HS6ST3: variants seen among roughly 807,000 people sequenced by gnomAD.
The protein encoded by HS6ST3 is heparan sulfate 6-O-sulfotransferase 3, also known as heparan-sulfate 6-O-sulfotransferase 3.
HS6ST3 carries 12 observed loss-of-function variants against 36.7 expected under a neutral mutation model. The ratio of observed to expected loss-of-function variants is 0.33; its 90% CI spans 0.21 to 0.53. The LOEUF (loss-of-function observed/expected upper bound fraction) is 0.53, where lower values mean the gene tolerates loss of function less well. Ranked by LOEUF, HS6ST3 falls within the 20% of genes least tolerant of loss-of-function variation. HS6ST3 has a pLI of 0.95. For synonymous variants in HS6ST3, 240 were observed against 257.5 expected, an observed-to-expected ratio of 0.93 and a Z score of 0.65; for missense variants, 584 against 640.9, an observed-to-expected ratio of 0.91 and a Z score of 0.96.
At chr13:96,106,590 GAAGAT>G (rs2053842888) in intron 1 of HS6ST3, among the ~76,000 whole-genome samples, 1 of 152,178 alleles carries the variant, frequency 6.6e-6, no homozygotes, top group African/African-American at 2.4e-5. Flanking sequence ...ATATTTTTAA[GAAGAT>G]AAGAGACAAT....
chr13:96,741,504 G>T (rs1876438485), intron 1 of HS6ST3, among the ~76,000 whole-genome samples: 1 of 152,062 alleles, frequency 6.6e-6, no homozygotes, highest in South Asian at 2.1e-4. Context: ...CTTTGTTCTA[G>T]TGCAGCTACC....
intron 1 of HS6ST3, among the ~76,000 whole-genome samples, chr13:96,761,692 AC>A: frequency 6.6e-6 from 1 of 152,256 alleles, no homozygotes; most frequent in African/African-American, 2.4e-5. Context: ...ATTCCCATAA[AC>A]AATATGTAGT....
chr13:96,185,754 A>C (rs1301825708), intron 1 of HS6ST3, among the ~76,000 whole-genome samples: 1 of 152,194 alleles, frequency 6.6e-6, no homozygotes, highest in Non-Finnish European at 1.5e-5. Context: ...TTTTACTTGA[A>C]TTTAGAGAGA....
At chr13:96,321,872 G>A (rs952004329) in intron 1 of HS6ST3, among the ~76,000 whole-genome samples, 3 of 151,994 alleles carry the variant, frequency 2.0e-5, no homozygotes, top group African/African-American at 4.8e-5. Flanking sequence ...TCTCAAATGA[G>A]CTTGTACCAT....
chr13:96,595,182 A>G (rs1184834713), intron 1 of HS6ST3, among the ~76,000 whole-genome samples: 1 of 152,062 alleles, frequency 6.6e-6, no homozygotes, highest in East Asian at 1.9e-4. Context: ...AGTGGCTGAA[A>G]CTACAGGCGT....
At chr13:96,112,951 G>A (rs749375680) in intron 1 of HS6ST3, among the ~76,000 whole-genome samples, 16 of 152,004 alleles carry the variant, frequency 1.1e-4, no homozygotes, top group Non-Finnish European at 1.5e-4. Context: ...GGTTTTATTG[G>A]AGTGGGGAGG....
chr13:96,772,748 G>C (rs55963137), intron 1 of HS6ST3, among the ~76,000 whole-genome samples: 2 of 152,166 alleles, frequency 1.3e-5, no homozygotes, highest in African/African-American at 4.8e-5. Flanking sequence ...GCAAGTTATT[G>C]TAATATTGGC....
intron 1 of HS6ST3, among the ~76,000 whole-genome samples, chr13:96,784,783 G>T (rs1460321087): frequency 6.6e-6 from 1 of 152,054 alleles, no homozygotes; most frequent in Non-Finnish European, 1.5e-5. Flanking sequence ...TGAAGTAATA[G>T]AAACAGTGTT....
At chr13:96,625,931 C>T (rs922705619) in intron 1 of HS6ST3, among the ~76,000 whole-genome samples, 1 of 151,936 alleles carries the variant, frequency 6.6e-6, no homozygotes, top group Non-Finnish European at 1.5e-5. Context: ...AGCTCCGCCT[C>T]CCAGGTTCAC....
At chr13:96,157,877 C>A (rs1215285936) in intron 1 of HS6ST3, among the ~76,000 whole-genome samples, 1 of 152,152 alleles carries the variant, frequency 6.6e-6, no homozygotes. Context: ...TTTGGAGACG[C>A]ACTGTGAGCT....
At chr13:96,526,830 A>G (rs142183662) in intron 1 of HS6ST3, among the ~76,000 whole-genome samples, 2 of 152,164 alleles carry the variant, frequency 1.3e-5, no homozygotes, top group Non-Finnish European at 2.9e-5. Context: ...ACTAGTCACA[A>G]ATGGCTGCTG....
At chr13:96,092,616 G>T (rs865940672) in intron 1 of HS6ST3, among the ~76,000 whole-genome samples, 1 of 152,306 alleles carries the variant, frequency 6.6e-6, no homozygotes, top group Middle Eastern at 3.4e-3. Context: ...AAACAATTTG[G>T]TATGAGGAAA....
chr13:96,823,748 T>C (rs1384658526), intron 1 of HS6ST3, among the ~76,000 whole-genome samples: 1 of 152,100 alleles, frequency 6.6e-6, no homozygotes, highest in African/African-American at 2.4e-5. Context: ...GCCTCCCAAG[T>C]AGCTGGGATT....
At chr13:96,361,348 A>G (rs992152326) in intron 1 of HS6ST3, among the ~76,000 whole-genome samples, 1 of 152,180 alleles carries the variant, frequency 6.6e-6, no homozygotes, top group African/African-American at 2.4e-5. Flanking sequence ...CTCTTTTTAA[A>G]TGACTTTCTT....
At chr13:96,613,479 G>A (rs1027460256) in intron 1 of HS6ST3, among the ~76,000 whole-genome samples, 3 of 152,278 alleles carry the variant, frequency 2.0e-5, no homozygotes, top group East Asian at 1.9e-4. Flanking sequence ...CACTACTTGC[G>A]TGGCACTGAG....
chr13:96,601,774 A>G (rs185232117), intron 1 of HS6ST3, among the ~76,000 whole-genome samples: 68 of 152,212 alleles, frequency 4.5e-4, no homozygotes, highest in African/African-American at 1.5e-3. Flanking sequence ...GTTTTGATTC[A>G]ACTGGATTTT....
rs566057743 is a variant in HS6ST3 at position 96,102,289 on chromosome 13, T to C, written c.707+10720T>C. Among the ~76,000 whole-genome samples the C allele has an allele frequency of 3.3e-5, 5 of 152,298 alleles. No homozygotes were observed. The East Asian group carries it at 9.6e-4, about 29-fold the overall frequency. ...TGAAGGAACCTGTGTACATTGGAAG[T>C]GTCCAATTTATTATTGGGTGCATTC... On this transcript the variant is annotated intron_variant, in intron 1 of 1. Coordinates refer to ENST00000376705, the MANE Select transcript of HS6ST3 (RefSeq NM_153456.4).
At chr13:96,213,555 C>G (rs891912511) in intron 1 of HS6ST3, among the ~76,000 whole-genome samples, 1 of 146,284 alleles carries the variant, frequency 6.8e-6, no homozygotes, top group Non-Finnish European at 1.5e-5. Flanking sequence ...TAGATGGAAT[C>G]TTGTTCTCTT....
At chr13:96,188,757 G>A (rs1312428035) in intron 1 of HS6ST3, among the ~76,000 whole-genome samples, 1 of 152,112 alleles carries the variant, frequency 6.6e-6, no homozygotes, top group Non-Finnish European at 1.5e-5. Flanking sequence ...GTGTAATATA[G>A]TTATTAATGT....
Sources: gnomAD v4.1 joint callset for allele counts (sites outside exome capture counted in the v4.1 genomes callset) on GRCh38, gnomAD v4.1.1 for gene constraint, MANE v1.5 for transcripts, NCBI Gene and HGNC (gene_info 2026-07-23, HGNC 2026-07-21) for gene names.